The following LMF1 variants were observed in gnomAD, a reference collection of about 807,000 sequenced individuals.
LMF1 encodes lipase maturation factor 1.
LMF1 carries 68 observed loss-of-function variants against 60.6 expected under a neutral mutation model. The ratio of observed to expected loss-of-function variants is 1.12; its 90% CI spans 0.92 to 1.37. The LOEUF (loss-of-function observed/expected upper bound fraction) is 1.37, where lower values mean the gene tolerates loss of function less well. Ranked by LOEUF, LMF1 falls within the 40% of genes most tolerant of loss-of-function variation. LMF1 has a pLI of 0.00. For synonymous variants in LMF1, 418 were observed against 324.7 expected, an observed-to-expected ratio of 1.29 and a Z score of -3.09; for missense variants, 948 against 767.2, an observed-to-expected ratio of 1.24 and a Z score of -2.78.
intron 2 of LMF1, among the ~76,000 whole-genome samples, chr16:944,760 G>A (rs1018758596): frequency 1.3e-5 from 2 of 152,086 alleles, no homozygotes; most frequent in Admixed American, 1.3e-4. Context: ...CCTGTCTACG[G>A]CCCCTCCTTG....
chr16:981,399 G>A (rs1182461168), upstream of LMF1: 3 of 292,028 alleles, frequency 1.0e-5, no homozygotes, highest in Non-Finnish European at 2.2e-5. Context: ...TGTCGGGGGA[G>A]GGGCCCGAGG....
chr16:867,239 C>T (rs1330392367), intron 10 of LMF1, among the ~76,000 whole-genome samples: 1 of 152,246 alleles, frequency 6.6e-6, no homozygotes, highest in South Asian at 2.1e-4. Flanking sequence ...TTGGTTTTCA[C>T]AGTATCCATC....
In LMF1 at chr16:874,760, C is replaced by G. The variant is rs142036908; in HGVS notation, c.898-3419G>C. On this transcript the variant is annotated intron_variant, in intron 6 of 10. Coordinates refer to ENST00000262301, the MANE Select transcript of LMF1 (RefSeq NM_022773.4). The surrounding 1 kb of genome is among the most constrained non-coding windows in gnomAD (Gnocchi z 4.1). ...GCGCTCAGATGGGAACACACGGAAC[C>G]AGGACAGGCTCCAGGCAGGCGGCGC... 6.6e-6 allele frequency among the ~76,000 whole-genome samples: 1 copy of G among 151,850 alleles called. No individual in the cohort carries two copies.
At chr16:876,163 C>A (rs975610040) in intron 6 of LMF1, among the ~76,000 whole-genome samples, 1 of 152,230 alleles carries the variant, frequency 6.6e-6, no homozygotes, top group Non-Finnish European at 1.5e-5. Flanking sequence ...GGGGCACGTG[C>A]GGACCACGGG....
At chr16:951,308 T>TGACAGAGTCAGAGACAAC (rs2151468493) in intron 2 of LMF1, among the ~76,000 whole-genome samples, 1 of 139,362 alleles carries the variant, frequency 7.2e-6, no homozygotes, top group African/African-American at 2.8e-5. Context: ...TCAGAGCCAA[T>TGACAGAGTCAGAGACAAC]GACAGAGTCA....
intron 6 of LMF1, chr16:871,567 C>T: frequency 1.7e-6 from 1 of 581,008 alleles, no homozygotes; most frequent in Non-Finnish European, 3.1e-6. Flanking sequence ...AACATTCCTC[C>T]CATGACTGCA....
chr16:978,349 CA>C (rs1383591964), intron 1 of LMF1, among the ~76,000 whole-genome samples: 1 of 119,890 alleles, frequency 8.3e-6, no homozygotes, highest in Non-Finnish European at 1.7e-5. Context: ...CATACAAACA[CA>C]CACCACACAC....
At chr16:904,654 TGTG>T (rs1295515854) in intron 4 of LMF1, among the ~76,000 whole-genome samples, 4 of 33,484 alleles carry the variant, frequency 1.2e-4, no homozygotes, top group African/African-American at 1.0e-3. Context: ...GTCTCTGCTG[TGTG>T]GTGGTGACCT....
chr16:929,799 G>A (rs1484162846), intron 3 of LMF1, among the ~76,000 whole-genome samples: 1 of 152,274 alleles, frequency 6.6e-6, no homozygotes, highest in Admixed American at 6.5e-5. Context: ...CCTGGAAAGC[G>A]CGGCCCTGAC....
At chr16:927,270 C>T (rs1384476725) in intron 3 of LMF1, among the ~76,000 whole-genome samples, 1 of 152,236 alleles carries the variant, frequency 6.6e-6, no homozygotes, top group African/African-American at 2.4e-5. Context: ...CCTGTCCTTC[C>T]TATGAAGAAC....
At chr16:876,370 A>G (rs1753452168) in intron 6 of LMF1, among the ~76,000 whole-genome samples, 1 of 152,208 alleles carries the variant, frequency 6.6e-6, no homozygotes, top group Admixed American at 6.5e-5. Context: ...GCGACTCTGC[A>G]TGAAGCTGTG....
intron 5 of LMF1, among the ~76,000 whole-genome samples, chr16:889,052 G>A (rs371592705): frequency 3.9e-5 from 6 of 152,244 alleles, no homozygotes; most frequent in Non-Finnish European, 7.4e-5. Flanking sequence ...TCATGGGAGC[G>A]GGCCCTTGGC....
At chr16:940,898 T>C (rs12598963) in intron 2 of LMF1, among the ~76,000 whole-genome samples, 1,857 of 152,360 alleles carry the variant, frequency 0.012, 24 homozygotes, top group South Asian at 0.097. Context: ...TGATTGATGT[T>C]AAAATCTCCA....
At chr16:964,238 G>C (rs915964010) in intron 1 of LMF1, 24 of 425,140 alleles carry the variant, frequency 5.6e-5, no homozygotes, top group African/African-American at 1.0e-4. Context: ...GGAGGTTGTA[G>C]TGAGAGGAGA....
chr16:872,987 G>C (rs924904693), intron 6 of LMF1: 1 of 152,250 alleles, frequency 6.6e-6, no homozygotes, highest in African/African-American at 2.4e-5. Context: ...TCCTGCTGTG[G>C]GCTCAGTGGG....
intron 1 of LMF1, among the ~76,000 whole-genome samples, chr16:959,846 G>A (rs199590718): frequency 3.8e-5 from 5 of 131,076 alleles, no homozygotes; most frequent in East Asian, 2.0e-4. Flanking sequence ...GGAATACACC[G>A]TGTGCCAGGA....
intron 2 of LMF1, among the ~76,000 whole-genome samples, chr16:937,329 T>C (rs534774597): frequency 6.6e-6 from 1 of 152,354 alleles, no homozygotes; most frequent in South Asian, 2.1e-4. Context: ...TCTGCTGTTT[T>C]GTTCTTTAAA....
rs2073265429 is a variant in LMF1 at position 979,224 on chromosome 16, G to A, written c.-135+1921C>T. 4 of 389,652 alleles carry A rather than the reference G, an allele frequency of 1.0e-5. No individual in the cohort carries two copies. In the East Asian group the frequency reaches 2.2e-4, roughly 21 times the overall value. 24.1% of individuals were successfully genotyped at this position (389,652 alleles called of 1,614,324 possible). A position where few individuals can be genotyped will look rare whatever the true frequency, so the allele number is the denominator to read the frequency against. ...CTCAGGCCTAGTGGCTCACACCCGC[G>A]GAGGACGAGGTCATTTTCCTGGGGA... On this transcript the variant is annotated intron_variant, in intron 1 of 6. Coordinates refer to the LMF1 transcript ENST00000570014.
intron 3 of LMF1, chr16:933,561 CAGG>C: frequency 8.0e-5 from 15 of 186,560 alleles, no homozygotes; most frequent in South Asian, 3.6e-4. Flanking sequence ...AGGCCCAGGC[CAGG>C]GCCTTTACCA....
Sources: gnomAD v4.1 joint callset for allele counts (sites outside exome capture counted in the v4.1 genomes callset) on GRCh38, gnomAD v4.1.1 for gene constraint, Gnocchi (gnomAD v3.1) non-coding constraint, MANE v1.5 for transcripts, NCBI Gene and HGNC (gene_info 2026-07-23, HGNC 2026-07-21) for gene names.